PCDHGB1: variants seen among roughly 807,000 people sequenced by gnomAD.
The protein encoded by PCDHGB1 is protocadherin gamma-B1.
Under a neutral mutation model 56.6 loss-of-function variants are expected in PCDHGB1, and 34 were observed. That is an observed-to-expected ratio of 0.60 (90% CI 0.46 to 0.80). PCDHGB1 has a LOEUF of 0.80. Among genes scored for constraint, PCDHGB1 ranks in the 30% least tolerant of loss-of-function variants. The probability of loss-of-function intolerance (pLI) is 0.00; values close to 1 mark genes in which losing one functional copy is unlikely to be tolerated. For synonymous variants in PCDHGB1, 561 were observed against 505.9 expected, an observed-to-expected ratio of 1.11 and a Z score of -1.46; for missense variants, 1,278 against 1,204.6, an observed-to-expected ratio of 1.06 and a Z score of -0.90.
chr5:141,365,498 T>A, intron 1 of PCDHGB1: 1 of 1,613,936 alleles, frequency 6.2e-7, no homozygotes, highest in Non-Finnish European at 8.5e-7. Flanking sequence ...TCCTAGGAAT[T>A]TGCCTTTTAA....
chr5:141,418,969 A>C, intron 1 of PCDHGB1: 1 of 1,614,028 alleles, frequency 6.2e-7, no homozygotes, highest in Non-Finnish European at 8.5e-7. Flanking sequence ...CCCTCTTCAA[A>C]ACACGGGACC....
chr5:141,477,002 G>A lies in PCDHGB1; in HGVS notation c.2410-17805G>A, dbSNP rs770390597. On this transcript the variant is annotated intron_variant, in intron 1 of 3. Coordinates refer to ENST00000523390, the MANE Select transcript of PCDHGB1 (RefSeq NM_018922.3). The surrounding 1 kb of genome is among the most constrained non-coding windows in gnomAD (Gnocchi z 4.9). ...CCGCGCCGGCGTGCGGCAACTATTC[G>A]CCTTAGACCTTGTAACCGGGATGCT... 6.2e-7 allele frequency: 1 copy of A among 1,614,102 alleles called. No homozygotes were observed. The highest frequency in any genetic ancestry group is 1.3e-5 in the African/African-American group (1 of 74,952).
At position 141,486,230 on chromosome 5, in the gene PCDHGB1, A is replaced by G. The variant is rs1463946178; in HGVS notation, c.2410-8577A>G. ...TGACAATGCCCCTTACATCACAGTG[A>G]CCTCAGAGCTTGGAACCCTCCCCGA... On this transcript the variant is annotated intron_variant, in intron 1 of 3. Coordinates refer to ENST00000523390, the MANE Select transcript of PCDHGB1 (RefSeq NM_018922.3). This position sits in a 1 kb window ranked among gnomAD's most constrained non-coding sequence, Gnocchi z 5.0. 2 of 1,613,898 alleles carry G rather than the reference A, an allele frequency of 1.2e-6. No individual in the cohort carries two copies. The highest frequency in any genetic ancestry group is 2.2e-5 in the East Asian group (1 of 44,878).
chr5:141,364,999 C>T (rs1763663024), intron 1 of PCDHGB1: 4 of 1,613,862 alleles, frequency 2.5e-6, no homozygotes, highest in Non-Finnish European at 2.5e-6. Context: ...CGGTACTCTC[C>T]GGCACCACGC....
intron 1 of PCDHGB1, chr5:141,409,744 G>A (rs1255485257): frequency 6.2e-7 from 1 of 1,612,978 alleles, no homozygotes; most frequent in Non-Finnish European, 8.5e-7. Flanking sequence ...GCGGGGTGGT[G>A]TTCGCGCAGC....
chr5:141,351,068 A>G lies in PCDHGB1; in HGVS notation c.808A>G (p.Ile270Val). ...GATGGCCACAGACCAGGATGAGGGC[A>G]TTAATGCAGAGATCACCTATGCCTT... ...RVMATDQDEG[I>V]NAEITYAFLN... The change falls in exon 1 of 4, where the codon ATT (isoleucine) becomes GTT (valine). Residue 270 changes from isoleucine (I) to valine (V), a missense_variant. By Grantham distance (29) the Ile-to-Val change is conservative (BLOSUM62 3). Transcript: ENST00000523390. 3 of 1,614,100 alleles carry G rather than the reference A, an allele frequency of 1.9e-6. No individual in the cohort carries two copies. Among genetic ancestry groups the G allele is most frequent in the East Asian group, 2.2e-5 (1 of 44,886 alleles).
chr5:141,394,821 G>C (rs2093106496), intron 1 of PCDHGB1: 4 of 1,613,862 alleles, frequency 2.5e-6, no homozygotes, highest in Middle Eastern at 1.6e-4. Flanking sequence ...CAGCATCCCC[G>C]AAGTCCTGAC....
At chr5:141,384,862 T>A in intron 1 of PCDHGB1, 1 of 1,613,686 alleles carries the variant, frequency 6.2e-7, no homozygotes, top group Non-Finnish European at 8.5e-7. Context: ...GCCTCCTCTG[T>A]CAGCCACCGT....
intron 1 of PCDHGB1, chr5:141,361,475 A>G (rs1561523767): frequency 6.2e-7 from 1 of 1,614,020 alleles, no homozygotes; most frequent in Non-Finnish European, 8.5e-7. Context: ...GACGTCAACG[A>G]TAATGCCCCA....
intron 1 of PCDHGB1, chr5:141,423,601 C>A (rs372165060): frequency 1.9e-6 from 3 of 1,612,704 alleles, no homozygotes; most frequent in Non-Finnish European, 2.5e-6. Flanking sequence ...AAGCGAGCCA[C>A]TCTTGATAGC....
chr5:141,398,576 C>T (rs1257000620), intron 1 of PCDHGB1: 4 of 1,613,968 alleles, frequency 2.5e-6, no homozygotes, highest in Non-Finnish European at 1.7e-6. Flanking sequence ...CAGCCTGGCA[C>T]AAGATTTATA....
chr5:141,427,787 C>T, intron 1 of PCDHGB1: 1 of 1,478,068 alleles, frequency 6.8e-7, no homozygotes, highest in Non-Finnish European at 9.4e-7. Flanking sequence ...CACTGTCGTC[C>T]TACGTGTCCG....
chr5:141,430,805 C>T (rs1445689047), intron 1 of PCDHGB1: 2 of 1,525,722 alleles, frequency 1.3e-6, no homozygotes, highest in Admixed American at 2.3e-5. Flanking sequence ...GCTTGTCCTG[C>T]TGGGAATCCT....
rs776868264 is a variant in PCDHGB1 at position 141,350,984 on chromosome 5, G to A, written c.724G>A (p.Glu242Lys). ...ANDNAPVFSQ[E>K]VYRVSLQENV... ...TGATAATGCTCCCGTGTTTAGCCAG[G>A]AGGTATACAGGGTTAGCCTCCAAGA... is the stretch of plus-strand genomic sequence containing the variant. The change falls in exon 1 of 4, where the codon GAG becomes AAG. Residue 242 changes from glutamate to lysine, a missense_variant. Transcript: ENST00000523390. 2.5e-6 allele frequency: 4 copies of A among 1,614,090 alleles called. No individual in the cohort carries two copies. The highest frequency in any genetic ancestry group is 1.1e-5 in the South Asian group (1 of 91,088).
chr5:141,511,695 C>A lies in PCDHGB1; in HGVS notation c.*522C>A, dbSNP rs1009832192. The A allele has an allele frequency of 9.7e-5, 19 of 195,544 alleles. No individual in the cohort carries two copies. The highest frequency in any genetic ancestry group is 1.7e-4 in the Non-Finnish European group (16 of 92,634). 12.1% of individuals were successfully genotyped at this position (195,544 alleles called of 1,614,324 possible). A position where few individuals can be genotyped will look rare whatever the true frequency, so the allele number is the denominator to read the frequency against. On this transcript the variant is annotated 3_prime_UTR_variant, in exon 4 of 4. Transcript: ENST00000523390. ...CTTCCCCCAAAGCATGGTTTGGTGC[C>A]AGCCCCTTCACCTCCTTCCAGAGCC...
At chr5:141,389,140 C>T in intron 1 of PCDHGB1, 3 of 1,613,996 alleles carry the variant, frequency 1.9e-6, no homozygotes, top group Non-Finnish European at 2.5e-6. Context: ...TACAATATAA[C>T]CGTTACGGCA....
At chr5:141,447,084 T>A (rs2098525776) in intron 1 of PCDHGB1, among the ~76,000 whole-genome samples, 1 of 152,186 alleles carries the variant, frequency 6.6e-6, no homozygotes, top group Non-Finnish European at 1.5e-5. Flanking sequence ...TTTTGTTGTT[T>A]AATTTTCTTT....
chr5:141,410,569 T>C (rs908906606), intron 1 of PCDHGB1: 1 of 1,612,242 alleles, frequency 6.2e-7, no homozygotes, highest in African/African-American at 1.3e-5. Context: ...GAGCCTTAAT[T>C]CCACCTCATG....
chr5:141,480,816 G>A (rs1400500941), intron 1 of PCDHGB1, among the ~76,000 whole-genome samples: 4 of 152,208 alleles, frequency 2.6e-5, no homozygotes, highest in Admixed American at 2.0e-4. Flanking sequence ...GGAGGCTGAG[G>A]TGGGTGGATC....
Sources: allele counts gnomAD v4.1 joint callset (sites outside exome capture counted in the v4.1 genomes callset), GRCh38; gene constraint gnomAD v4.1.1; non-coding constraint Gnocchi (gnomAD v3.1); transcripts MANE v1.5; gene names NCBI Gene and HGNC (gene_info 2026-07-23, HGNC 2026-07-21).